TMEM268: variants seen among roughly 807,000 people sequenced by gnomAD.
TMEM268 encodes the protein transmembrane protein C9orf91.
A neutral mutation model predicts 39.1 loss-of-function variants in TMEM268; 24 were observed. That is an observed-to-expected ratio of 0.61 (90% CI 0.44 to 0.86). The LOEUF (loss-of-function observed/expected upper bound fraction) is 0.86. Among genes scored for constraint, TMEM268 ranks in the 40% least tolerant of loss-of-function variants. The pLI is 0.00. For synonymous variants in TMEM268, 176 were observed against 173.5 expected, an observed-to-expected ratio of 1.01 and a Z score of -0.12; for missense variants, 409 against 428.6, an observed-to-expected ratio of 0.95 and a Z score of 0.40.
rs1450184276 is a variant in TMEM268 at position 114,636,986 on chromosome 9, A to C, written c.586-4A>C. ...ACGGTGGTCACTGCTGCTTCTCCCC[A>C]CAGCTTTGGTTTGTCTACTTCGACC... On this transcript the variant is annotated splice_polypyrimidine_tract_variant and splice_region_variant and intron_variant, in intron 6 of 8. Coordinates refer to ENST00000288502, the MANE Select transcript of TMEM268 (RefSeq NM_153045.4). 6.2e-7 allele frequency: 1 copy of C among 1,611,160 alleles called. No homozygotes were observed. Among genetic ancestry groups the C allele is most frequent in the Non-Finnish European group, 8.5e-7 (1 of 1,177,750 alleles).
At chr9:114,618,120 G>A (rs1165515545) in intron 2 of TMEM268, among the ~76,000 whole-genome samples, 2 of 151,458 alleles carry the variant, frequency 1.3e-5, no homozygotes, top group South Asian at 2.1e-4. Context: ...CAGGTGATCC[G>A]CCCACCTTGG....
intron 2 of TMEM268, 23 bp from the exon 3 acceptor site, chr9:114,624,327 T>A (rs1278830589): frequency 1.3e-6 from 2 of 1,576,290 alleles, no homozygotes; most frequent in Admixed American, 3.7e-5. Flanking sequence ...CTCAGCCAGA[T>A]GAAGCTTCTG....
chr9:114,637,134 A>G, intron 7 of TMEM268, 64 bp downstream of exon 7: 1 of 1,065,496 alleles, frequency 9.4e-7, no homozygotes, highest in African/African-American at 1.5e-5. Flanking sequence ...CGATTTCATT[A>G]TCTTAAGGGT....
upstream of TMEM268, among the ~76,000 whole-genome samples, chr9:114,609,312 AAAACAAACAAACAAAC>A (rs200839078): frequency 2.7e-5 from 4 of 149,918 alleles, no homozygotes; most frequent in Non-Finnish European, 5.9e-5. Context: ...CCCCATCTCA[AAAACAAACAAACAAAC>A]AAACAAACAA....
chr9:114,624,511 C>T, intron 3 of TMEM268, 52 bp downstream of exon 3: 5 of 1,542,666 alleles, frequency 3.2e-6, no homozygotes, highest in Non-Finnish European at 3.5e-6. Context: ...ATCCATTCAT[C>T]CCTCTATCTT....
At position 114,626,904 on chromosome 9, in the gene TMEM268, G is replaced by A. The variant is rs750206413; in HGVS notation, c.222G>A (p.Pro74=). Residue 74 remains proline (P), a synonymous_variant, in exon 4 of 9, where the codon CCG becomes CCA. Transcript: ENST00000288502. ...EQLQTWGIQV[P]ADQYRSLAES... The stretch of plus-strand genomic sequence containing the variant: ...TTTCCCTGGGTTCCAAGCAGGTCCC[G>A]GCTGACCAGTACAGGAGCTTGGCTG... The A allele has an allele frequency of 3.5e-5, 56 of 1,607,542 alleles. No individual in the cohort carries two copies. The highest frequency in any genetic ancestry group is 3.2e-4 in the Admixed American group (19 of 59,930).
intron 8 of TMEM268, among the ~76,000 whole-genome samples, chr9:114,639,322 A>G (rs1250422897): frequency 6.6e-6 from 1 of 152,020 alleles, no homozygotes; most frequent in Non-Finnish European, 1.5e-5. Flanking sequence ...TTTTTATTAG[A>G]GGCAGGGTTT....
At chr9:114,617,997 T>C (rs1374460548) in intron 2 of TMEM268, among the ~76,000 whole-genome samples, 5 of 152,078 alleles carry the variant, frequency 3.3e-5, no homozygotes, top group Admixed American at 2.6e-4. Flanking sequence ...CTGCCTCGGC[T>C]TCCCGAGTAG....
intron 3 of TMEM268, 126 bp from the exon 4 acceptor site, chr9:114,626,773 C>T (rs964988686): frequency 1.6e-6 from 1 of 634,974 alleles, no homozygotes; most frequent in Non-Finnish European, 2.9e-6. Context: ...CCCAGTGCTC[C>T]AAGCTCCTCA....
intron 2 of TMEM268, among the ~76,000 whole-genome samples, chr9:114,620,692 A>G (rs1249068098): frequency 6.6e-6 from 1 of 152,234 alleles, no homozygotes; most frequent in Non-Finnish European, 1.5e-5. Context: ...AATAGCAGCC[A>G]GTTATTTTGT....
At chr9:114,632,204 G>T (rs988063003) in intron 5 of TMEM268, among the ~76,000 whole-genome samples, 1 of 151,788 alleles carries the variant, frequency 6.6e-6, no homozygotes, top group South Asian at 2.1e-4. Flanking sequence ...TGTATGCTCA[G>T]TGGGACATTT....
chr9:114,618,129 G>A (rs1845808382), intron 2 of TMEM268, among the ~76,000 whole-genome samples: 1 of 152,006 alleles, frequency 6.6e-6, no homozygotes, highest in Non-Finnish European at 1.5e-5. Context: ...CGCCCACCTT[G>A]GGCTCCCAAA....
chr9:114,609,721 A>AAAAGAG (rs1564279377), upstream of TMEM268, among the ~76,000 whole-genome samples: 1 of 126,642 alleles, frequency 7.9e-6, no homozygotes, highest in African/African-American at 3.4e-5. Flanking sequence ...AAGAAAAAGA[A>AAAAGAG]AAAGAAAAAG....
intron 5 of TMEM268, among the ~76,000 whole-genome samples, chr9:114,630,279 TATCCATCCATCCATCC>T (rs57970569): frequency 1.3e-5 from 2 of 148,228 alleles, no homozygotes; most frequent in East Asian, 2.0e-4. Context: ...AATATATATC[TATCCATCCATCCATCC>T]ATCCATCCAT....
At chr9:114,607,937 T>A (rs1176583098), upstream of TMEM268, among the ~76,000 whole-genome samples, 1 of 151,928 alleles carries the variant, frequency 6.6e-6, no homozygotes, top group Non-Finnish European at 1.5e-5. Flanking sequence ...TCTGTATTTT[T>A]GGAGCATAGG....
chr9:114,617,795 C>T (rs1325068280), intron 2 of TMEM268, among the ~76,000 whole-genome samples: 1 of 152,024 alleles, frequency 6.6e-6, no homozygotes, highest in Non-Finnish European at 1.5e-5. Flanking sequence ...TGGTCTCAGA[C>T]TCCTGGCCTC....
At chr9:114,636,459 C>T (rs139745346) in intron 6 of TMEM268, among the ~76,000 whole-genome samples, 9 of 150,294 alleles carry the variant, frequency 6.0e-5, no homozygotes, top group Non-Finnish European at 1.0e-4. Context: ...GAAATGGGGC[C>T]GCAGCCATTT....
At chr9:114,624,485 T>G (rs1384766373) in intron 3 of TMEM268, 26 bp downstream of exon 3, 1 of 1,552,338 alleles carries the variant, frequency 6.4e-7, no homozygotes, top group Non-Finnish European at 8.7e-7. Context: ...CTTGAATCCC[T>G]ACCATTTTCT....
upstream of TMEM268, among the ~76,000 whole-genome samples, chr9:114,607,781 T>C (rs1031724815): frequency 3.3e-5 from 5 of 152,126 alleles, no homozygotes; most frequent in Admixed American, 3.3e-4. Context: ...CCCTTTCAGC[T>C]GAAACCCGAG....
Sources: allele counts gnomAD v4.1 joint callset (sites outside exome capture counted in the v4.1 genomes callset), GRCh38; gene constraint gnomAD v4.1.1; transcripts MANE v1.5; gene names NCBI Gene and HGNC (gene_info 2026-07-23, HGNC 2026-07-21).